Variants in ATE1 observed in about 807,000 individuals in gnomAD.
The protein encoded by ATE1 is arginyl-tRNA--protein transferase 1.
In ATE1, 36 loss-of-function variants were observed where a neutral mutation model predicts 70.5. The observed-to-expected ratio is 0.51, with a 90% CI of 0.39 to 0.67. The LOEUF (loss-of-function observed/expected upper bound fraction) is 0.67. Ranked by LOEUF, ATE1 falls within the 30% of genes least tolerant of loss-of-function variation. ATE1 has a pLI of 0.00. For missense variants in ATE1, 593 were observed against 629.5 expected (o/e 0.94, Z 0.62); for synonymous variants, 232 against 219.3 (o/e 1.06, Z -0.51).
chr10:121,896,728 G>C (rs573288116), intron 7 of ATE1, among the ~76,000 whole-genome samples: 19 of 144,942 alleles, frequency 1.3e-4, no homozygotes, highest in Non-Finnish European at 2.1e-4. Context: ...AGAACTGCTT[G>C]AACCCGGGAG....
chr10:121,905,457 C>T (rs997642519), intron 5 of ATE1, among the ~76,000 whole-genome samples: 2 of 152,150 alleles, frequency 1.3e-5, no homozygotes, highest in Non-Finnish European at 2.9e-5. Flanking sequence ...CTACCTGTAT[C>T]GTCTTTACAC....
chr10:121,779,866 C>G (rs543123631), intron 11 of ATE1, among the ~76,000 whole-genome samples: 1 of 152,184 alleles, frequency 6.6e-6, no homozygotes, highest in Non-Finnish European at 1.5e-5. Context: ...TTCTCAGGTC[C>G]TCTCAGCAGA....
intron 10 of ATE1, among the ~76,000 whole-genome samples, chr10:121,805,379 G>T (rs1947055236): frequency 6.6e-6 from 1 of 152,124 alleles, no homozygotes; most frequent in African/African-American, 2.4e-5. Context: ...TATTTATTGA[G>T]TAGTTACTAT....
chr10:121,911,320 G>A lies in ATE1; in HGVS notation c.338-169C>T, dbSNP rs191551121. Among the ~76,000 whole-genome samples the A allele has an allele frequency of 2.5e-3, 380 of 152,234 alleles. 10 individuals carry two copies. Among genetic ancestry groups the A allele is most frequent in the Admixed American group, 0.024 (365 of 15,290 alleles). On this transcript the variant is annotated intron_variant, in intron 4 of 11. Coordinates refer to ENST00000224652, the MANE Select transcript of ATE1 (RefSeq NM_001001976.3). ...AGCTGCACTTAAGACTGGCACAGCT[G>A]GGCATGGTGGTTCATGCCTGTAATT...
chr10:121,839,296 C>G (rs1451114236), intron 9 of ATE1, among the ~76,000 whole-genome samples: 1 of 152,176 alleles, frequency 6.6e-6, no homozygotes, highest in African/African-American at 2.4e-5. Flanking sequence ...AATATCTAAA[C>G]TATCACTCAG....
intron 7 of ATE1, among the ~76,000 whole-genome samples, chr10:121,886,367 G>C (rs547396912): frequency 6.6e-6 from 1 of 151,298 alleles, no homozygotes; most frequent in African/African-American, 2.4e-5. Context: ...CCACATCTGT[G>C]TGGGCTTGCT....
intron 11 of ATE1, among the ~76,000 whole-genome samples, chr10:121,789,359 C>T (rs1010017669): frequency 4.0e-5 from 5 of 126,064 alleles, no homozygotes; most frequent in African/African-American, 1.2e-4. Context: ...AGTGCAATGG[C>T]GTAATCTCAG....
intron 11 of ATE1, among the ~76,000 whole-genome samples, chr10:121,755,672 T>A (rs763870095): frequency 6.6e-6 from 1 of 152,128 alleles, no homozygotes; most frequent in Non-Finnish European, 1.5e-5. Context: ...CAAAGTCATG[T>A]CTTACATGGA....
intron 7 of ATE1, among the ~76,000 whole-genome samples, chr10:121,892,054 G>T (rs1170014034): frequency 6.6e-6 from 1 of 152,136 alleles, no homozygotes; most frequent in African/African-American, 2.4e-5. Flanking sequence ...CAGGGGAAAA[G>T]TACATTTGAA....
chr10:121,821,620 C>T (rs1441141935), intron 10 of ATE1, among the ~76,000 whole-genome samples: 3 of 152,202 alleles, frequency 2.0e-5, no homozygotes, highest in African/African-American at 7.2e-5. Context: ...GTGGCTCACG[C>T]CTGTAATCCC....
At chr10:121,803,634 T>C (rs972776552) in intron 10 of ATE1, among the ~76,000 whole-genome samples, 4 of 152,192 alleles carry the variant, frequency 2.6e-5, no homozygotes, top group Non-Finnish European at 5.9e-5. Context: ...AATCAAACAA[T>C]GCTAAAAAAC....
chr10:121,790,029 T>TAA, intron 11 of ATE1, 140 bp downstream of exon 11: 1 of 888,204 alleles, frequency 1.1e-6, no homozygotes, highest in Non-Finnish European at 1.6e-6. Flanking sequence ...TCCTCTATCT[T>TAA]ACACACACAC....
chr10:121,812,157 T>C (rs372436419), intron 10 of ATE1, among the ~76,000 whole-genome samples: 2 of 152,026 alleles, frequency 1.3e-5, no homozygotes, highest in East Asian at 1.9e-4. Context: ...GGTTTTGCCA[T>C]GTTGCCCAGG....
chr10:121,866,965 G>C (rs1265890503), intron 8 of ATE1, among the ~76,000 whole-genome samples: 4 of 151,914 alleles, frequency 2.6e-5, no homozygotes, highest in Non-Finnish European at 5.9e-5. Flanking sequence ...AAAGGACAAA[G>C]CTCTCAATCT....
intron 5 of ATE1, among the ~76,000 whole-genome samples, chr10:121,904,640 CAAAAAAAA>C (rs778557337): frequency 2.2e-5 from 1 of 46,492 alleles, no homozygotes; most frequent in Non-Finnish European, 4.5e-5. Flanking sequence ...GACTCCGTCT[CAAAAAAAA>C]AAAAAAAAAA....
chr10:121,831,274 T>C (rs896231540), intron 10 of ATE1, among the ~76,000 whole-genome samples: 3 of 152,232 alleles, frequency 2.0e-5, no homozygotes, highest in African/African-American at 7.2e-5. Flanking sequence ...ACACATACGT[T>C]TATTTATAAA....
chr10:121,856,758 C>T (rs796424000), intron 8 of ATE1, among the ~76,000 whole-genome samples: 8 of 152,248 alleles, frequency 5.3e-5, no homozygotes, highest in African/African-American at 1.7e-4. Context: ...GGAAAAATGA[C>T]ACCAAAAGAC....
chr10:121,914,368 G>T (rs944012078), intron 3 of ATE1, among the ~76,000 whole-genome samples: 1 of 132,062 alleles, frequency 7.6e-6, no homozygotes, highest in Admixed American at 7.3e-5. Flanking sequence ...CCCAGCAAGA[G>T]ATTTTTTTTT....
At chr10:121,820,646 G>A (rs368505920) in intron 10 of ATE1, among the ~76,000 whole-genome samples, 1 of 152,166 alleles carries the variant, frequency 6.6e-6, no homozygotes, top group East Asian at 1.9e-4. Context: ...TAGAAAACTG[G>A]CTAATATAAT....
Sources: gnomAD v4.1 joint callset for allele counts (sites outside exome capture counted in the v4.1 genomes callset) on GRCh38, gnomAD v4.1.1 for gene constraint, MANE v1.5 for transcripts, NCBI Gene and HGNC (gene_info 2026-07-23, HGNC 2026-07-21) for gene names.